Variants in ST6GALNAC3 observed in about 807,000 individuals in gnomAD.
ST6GALNAC3 encodes the protein ST6 N-acetylgalactosaminide alpha-2,6-sialyltransferase 3.
Under a neutral mutation model 32.7 loss-of-function variants are expected in ST6GALNAC3, and 25 were observed. The ratio of observed to expected loss-of-function variants is 0.76; its 90% CI spans 0.56 to 1.07. The LOEUF (loss-of-function observed/expected upper bound fraction) is 1.07, where lower values mean the gene tolerates loss of function less well. ST6GALNAC3 is among the 50% of genes least tolerant of loss of function. The probability of loss-of-function intolerance (pLI) is 0.00; values close to 1 mark genes in which losing one functional copy is unlikely to be tolerated. For missense variants in ST6GALNAC3, 355 were observed against 382.4 expected, an observed-to-expected ratio of 0.93 and a Z score of 0.60; for synonymous variants, 129 against 133.1, an observed-to-expected ratio of 0.97 and a Z score of 0.21.
At chr1:76,423,868 G>A (rs1167560255) in intron 3 of ST6GALNAC3, among the ~76,000 whole-genome samples, 1 of 151,934 alleles carries the variant, frequency 6.6e-6, no homozygotes, top group African/African-American at 2.4e-5. Flanking sequence ...GGGAGCTTTT[G>A]GGAAGGATTG....
chr1:76,485,727 G>A (rs1326898122), intron 3 of ST6GALNAC3, among the ~76,000 whole-genome samples: 1 of 152,034 alleles, frequency 6.6e-6, no homozygotes, highest in South Asian at 2.1e-4. Flanking sequence ...ATCTCCTTCA[G>A]TTCTTCTCTG....
At chr1:76,409,652 G>A (rs530257551) in intron 2 of ST6GALNAC3, among the ~76,000 whole-genome samples, 3 of 152,108 alleles carry the variant, frequency 2.0e-5, no homozygotes, top group East Asian at 1.9e-4. Context: ...GGCTGACATG[G>A]GAAAGGCTGA....
chr1:76,631,121 TAGCAGA>T lies in ST6GALNAC3; in HGVS notation c.*2318_*2323del, dbSNP rs1649278153. On this transcript the variant is annotated 3_prime_UTR_variant, in exon 5 of 5. Coordinates refer to ENST00000328299, the MANE Select transcript of ST6GALNAC3 (RefSeq NM_152996.4). The stretch of plus-strand genomic sequence containing the variant: ...GCAGTATATTGTATCCCTCACTCTA[TAGCAGA>T]AGGTGTGTGTGGAATATGTAGACTC... 1.3e-6 allele frequency: 1 copy of T among 743,754 alleles called. No homozygotes were observed. Among genetic ancestry groups the T allele is most frequent in the Admixed American group, 6.3e-5 (1 of 15,910 alleles). 46.1% of individuals were successfully genotyped at this position (743,754 alleles called of 1,614,324 possible). A position where few individuals can be genotyped will look rare whatever the true frequency, so the allele number is the denominator to read the frequency against.
rs1287784483 is a variant in ST6GALNAC3, at chr1:76,340,068, A to G, written c.213+26069A>G. On this transcript the variant is annotated intron_variant, in intron 2 of 4. Coordinates refer to ENST00000328299, the MANE Select transcript of ST6GALNAC3 (RefSeq NM_152996.4). ...ACCAGTGTTGATAATGATAATAATT[A>G]CCTCACAAGGCTGGTATGAGAATTT... Among the ~76,000 whole-genome samples, 7 of 152,202 alleles carry G rather than the reference A, an allele frequency of 4.6e-5. No homozygotes were observed. In the East Asian group the frequency reaches 1.2e-3, roughly 25 times the overall value.
intron 3 of ST6GALNAC3, among the ~76,000 whole-genome samples, chr1:76,470,894 A>C (rs1658981389): frequency 6.6e-6 from 1 of 152,068 alleles, no homozygotes; most frequent in Non-Finnish European, 1.5e-5. Flanking sequence ...CACATGACAG[A>C]TATTCACTGT....
intron 3 of ST6GALNAC3, among the ~76,000 whole-genome samples, chr1:76,605,970 A>G (rs529950182): frequency 3.3e-5 from 5 of 152,100 alleles, no homozygotes; most frequent in East Asian, 1.9e-4. Flanking sequence ...ACAGTTCAAC[A>G]TCACTGATCA....
intron 1 of ST6GALNAC3, among the ~76,000 whole-genome samples, chr1:76,283,695 C>G (rs550963707): frequency 3.9e-5 from 6 of 152,300 alleles, no homozygotes; most frequent in Non-Finnish European, 7.4e-5. Flanking sequence ...CAACAATGCT[C>G]TGTTTTTCCT....
At chr1:76,636,771 A>G (rs907721234), downstream of ST6GALNAC3, 9 of 152,172 alleles carry the variant, frequency 5.9e-5, no homozygotes, top group African/African-American at 2.2e-4. Context: ...TCTTGGAGAA[A>G]GTACTTCGCA....
At chr1:76,595,676 AC>A (rs1647124357) in intron 3 of ST6GALNAC3, among the ~76,000 whole-genome samples, 1 of 78,588 alleles carries the variant, frequency 1.3e-5, no homozygotes, top group South Asian at 5.7e-4. Context: ...ACTATCAATA[AC>A]ATCATACACA....
At chr1:76,212,914 A>G (rs1655249250) in intron 1 of ST6GALNAC3, among the ~76,000 whole-genome samples, 1 of 152,172 alleles carries the variant, frequency 6.6e-6, no homozygotes, top group African/African-American at 2.4e-5. Flanking sequence ...AGGAAGGGAG[A>G]AAGAAAACAG....
At chr1:76,431,295 A>G (rs187947656) in intron 3 of ST6GALNAC3, among the ~76,000 whole-genome samples, 53 of 152,308 alleles carry the variant, frequency 3.5e-4, no homozygotes, top group African/African-American at 1.3e-3. Context: ...CTCACTTCCA[A>G]CAGTCTCAAA....
chr1:76,351,247 T>C (rs1392844136), intron 2 of ST6GALNAC3, among the ~76,000 whole-genome samples: 1 of 152,220 alleles, frequency 6.6e-6, no homozygotes, highest in East Asian at 1.9e-4. Flanking sequence ...ACAAATTATG[T>C]AGCATAGTCA....
intron 2 of ST6GALNAC3, among the ~76,000 whole-genome samples, chr1:76,393,803 T>C (rs2101167421): frequency 6.6e-6 from 1 of 152,276 alleles, no homozygotes; most frequent in East Asian, 1.9e-4. Flanking sequence ...CCAAGAAGTG[T>C]GGATCCTGGT....
intron 2 of ST6GALNAC3, among the ~76,000 whole-genome samples, chr1:76,411,328 C>T (rs1654221175): frequency 6.6e-6 from 1 of 152,068 alleles, no homozygotes; most frequent in Non-Finnish European, 1.5e-5. Flanking sequence ...GGGACTTAGA[C>T]TAACTATAGA....
In ST6GALNAC3 at chr1:76,409,501, A is replaced by G. The variant is rs148386508; in HGVS notation, c.214-2507A>G. Among the ~76,000 whole-genome samples, 275 of 151,502 alleles carry G rather than the reference A, an allele frequency of 1.8e-3. 1 individual carries two copies. Among genetic ancestry groups the G allele is most frequent in the Middle Eastern group, 6.8e-3 (2 of 294 alleles). ...CTGTTAGCATCCAAAATGCAGGAGG[A>G]AGAACAAGCATGTTTATCAAAGCAC... On this transcript the variant is annotated intron_variant, in intron 2 of 4. Coordinates refer to ENST00000328299, the MANE Select transcript of ST6GALNAC3 (RefSeq NM_152996.4).
At chr1:76,609,562 A>C (rs567812284) in intron 3 of ST6GALNAC3, among the ~76,000 whole-genome samples, 4 of 152,318 alleles carry the variant, frequency 2.6e-5, no homozygotes, top group African/African-American at 9.6e-5. Flanking sequence ...GGGTCTATTA[A>C]GATGTTTTTT....
chr1:76,452,116 G>A (rs1657448985), intron 3 of ST6GALNAC3, among the ~76,000 whole-genome samples: 1 of 152,074 alleles, frequency 6.6e-6, no homozygotes, highest in African/African-American at 2.4e-5. Flanking sequence ...GAATTTCCAA[G>A]TGTTGTGGGA....
chr1:76,548,598 T>A (rs1471213258), intron 3 of ST6GALNAC3, among the ~76,000 whole-genome samples: 4 of 152,126 alleles, frequency 2.6e-5, no homozygotes, highest in Non-Finnish European at 5.9e-5. Flanking sequence ...AGGAGAATAG[T>A]CCCCAGAGAC....
intron 1 of ST6GALNAC3, among the ~76,000 whole-genome samples, chr1:76,273,517 A>G (rs1328485100): frequency 2.0e-5 from 3 of 152,236 alleles, no homozygotes; most frequent in Non-Finnish European, 4.4e-5. Flanking sequence ...TATGGCAAGT[A>G]AACTTCCAAG....
Sources: allele counts gnomAD v4.1 joint callset (sites outside exome capture counted in the v4.1 genomes callset), GRCh38; gene constraint gnomAD v4.1.1; transcripts MANE v1.5; gene names NCBI Gene and HGNC (gene_info 2026-07-23, HGNC 2026-07-21).